Variants in GABBR2 observed in about 807,000 individuals in gnomAD.
The protein encoded by GABBR2 is G-protein coupled receptor 51.
A neutral mutation model predicts 105.6 loss-of-function variants in GABBR2; 23 were observed. That is an observed-to-expected ratio of 0.22 (90% CI 0.16 to 0.31). GABBR2 has a LOEUF of 0.31. GABBR2 is among the 10% of genes least tolerant of loss of function. The probability of loss-of-function intolerance (pLI) is 1.00; values close to 1 mark genes in which losing one functional copy is unlikely to be tolerated. For missense variants in GABBR2, 734 were observed against 1,245.5 expected (o/e 0.59, Z 6.18); for synonymous variants, 478 against 499.7 (o/e 0.96, Z 0.58).
chr9:98,483,660 A>C (rs559571304), intron 4 of GABBR2, among the ~76,000 whole-genome samples: 1 of 152,014 alleles, frequency 6.6e-6, no homozygotes, highest in Non-Finnish European at 1.5e-5. Context: ...CCCCCCACCC[A>C]TTCTGCAAGT....
chr9:98,613,846 A>C (rs1829543091), intron 1 of GABBR2, among the ~76,000 whole-genome samples: 2 of 152,262 alleles, frequency 1.3e-5, no homozygotes, highest in African/African-American at 4.8e-5. Context: ...ACTCAGAAGA[A>C]GGAATAGGGC....
intron 14 of GABBR2, among the ~76,000 whole-genome samples, chr9:98,310,179 A>T (rs1476935738): frequency 4.6e-5 from 7 of 152,176 alleles, no homozygotes; most frequent in Non-Finnish European, 8.8e-5. Context: ...CCTGGGCTGA[A>T]ATATGGTGGA....
intron 13 of GABBR2, among the ~76,000 whole-genome samples, chr9:98,357,456 T>C (rs1234222186): frequency 1.3e-5 from 2 of 152,166 alleles, no homozygotes; most frequent in Non-Finnish European, 2.9e-5. Context: ...GAGACCAGTC[T>C]AGACAACATG....
chr9:98,403,904 C>T (rs911413643), intron 8 of GABBR2, among the ~76,000 whole-genome samples: 6 of 151,898 alleles, frequency 4.0e-5, no homozygotes, highest in South Asian at 2.1e-4. Flanking sequence ...CTCAGAGAGG[C>T]GAAGTCGCTT....
intron 3 of GABBR2, among the ~76,000 whole-genome samples, chr9:98,517,179 G>A (rs1827773184): frequency 6.6e-6 from 1 of 152,182 alleles, no homozygotes; most frequent in Non-Finnish European, 1.5e-5. Context: ...CCAGTGACTG[G>A]CCCAGCCTTC....
At chr9:98,697,220 G>T (rs1830764509) in intron 1 of GABBR2, among the ~76,000 whole-genome samples, 1 of 152,092 alleles carries the variant, frequency 6.6e-6, no homozygotes. Flanking sequence ...CGCCGGGCGC[G>T]GTGGCTTACG....
Position 98,408,100 on chromosome 9 carries a change from CAT to C in GABBR2, c.1237-1961_1237-1960del, listed in dbSNP as rs1460756960. Among the ~76,000 whole-genome samples the C allele has an allele frequency of 2.0e-5, 3 of 152,240 alleles. No individual in the cohort carries two copies. In the East Asian group the frequency reaches 5.8e-4, roughly 29 times the overall value. On this transcript the variant is annotated intron_variant, in intron 7 of 18. Coordinates refer to ENST00000259455, the MANE Select transcript of GABBR2 (RefSeq NM_005458.8). ...ATGGCAGTAGTAATTTTTATTTAAA[CAT>C]GTTTAATAGTGGGGAGCTGAAATCA...
intron 2 of GABBR2, among the ~76,000 whole-genome samples, chr9:98,562,894 AC>A (rs1277581460): frequency 1.3e-5 from 2 of 151,400 alleles, no homozygotes; most frequent in Non-Finnish European, 2.9e-5. Context: ...ACATGACGAA[AC>A]TCCATCTCTA....
intron 11 of GABBR2, among the ~76,000 whole-genome samples, chr9:98,384,057 A>T (rs1832028169): frequency 6.6e-6 from 1 of 151,640 alleles, no homozygotes; most frequent in South Asian, 2.1e-4. Flanking sequence ...GAAAGAAAAC[A>T]GCACCAACAA....
chr9:98,569,741 C>T (rs1032774246), intron 2 of GABBR2, among the ~76,000 whole-genome samples: 1 of 152,198 alleles, frequency 6.6e-6, no homozygotes, highest in African/African-American at 2.4e-5. Context: ...GCCTGTACAA[C>T]AGGGAGACTG....
intron 1 of GABBR2, among the ~76,000 whole-genome samples, chr9:98,632,451 G>A (rs1381645597): frequency 6.6e-6 from 1 of 152,170 alleles, no homozygotes; most frequent in Non-Finnish European, 1.5e-5. Flanking sequence ...TGAGTGGTGG[G>A]TTCTGTGCCC....
chr9:98,640,713 C>T (rs1223803147), intron 1 of GABBR2, among the ~76,000 whole-genome samples: 3 of 152,232 alleles, frequency 2.0e-5, no homozygotes, highest in East Asian at 3.9e-4. Flanking sequence ...GAGGGTAAGG[C>T]ATCTTGGAGG....
At chr9:98,413,930 T>C (rs778634158) in intron 7 of GABBR2, among the ~76,000 whole-genome samples, 5 of 152,294 alleles carry the variant, frequency 3.3e-5, no homozygotes, top group Middle Eastern at 3.4e-3. Flanking sequence ...GTCTAAGAAG[T>C]ACGGGAAAAG....
intron 6 of GABBR2, among the ~76,000 whole-genome samples, chr9:98,458,084 G>A (rs1826358041): frequency 6.6e-6 from 1 of 152,210 alleles, no homozygotes; most frequent in East Asian, 1.9e-4. Flanking sequence ...GTTATAAATA[G>A]TGGTTAGGTC....
At chr9:98,447,533 A>ATGTGTG (rs777181645) in intron 7 of GABBR2, among the ~76,000 whole-genome samples, 5 of 105,072 alleles carry the variant, frequency 4.8e-5, no homozygotes, top group Admixed American at 1.1e-4. Context: ...TGTAACTAGT[A>ATGTGTG]TGTATGTGTG....
chr9:98,306,434 A>C lies in GABBR2; in HGVS notation c.2005-89T>G. The C allele has an allele frequency of 1.3e-6, 1 of 755,280 alleles. No individual in the cohort carries two copies. Among genetic ancestry groups the C allele is most frequent in the Non-Finnish European group, 2.3e-6 (1 of 439,512 alleles). The allele number at this position is 755,280 out of a possible 1,614,324, so 46.8% of individuals were successfully genotyped here. On this transcript the variant is annotated intron_variant, in intron 14 of 18. Coordinates refer to ENST00000259455, the MANE Select transcript of GABBR2 (RefSeq NM_005458.8). This position sits in a 1 kb window ranked among gnomAD's most constrained non-coding sequence, Gnocchi z 5.4. ...CTGAGAAGCTGTGGAGTGGAGGGTT[A>C]CTCAGGAGGTGGGCTGCAGGGAGGG...
At chr9:98,610,274 G>A (rs1367588877) in intron 1 of GABBR2, among the ~76,000 whole-genome samples, 1 of 152,198 alleles carries the variant, frequency 6.6e-6, no homozygotes, top group Non-Finnish European at 1.5e-5. Context: ...TGACAATAGT[G>A]CCTATTTCAT....
chr9:98,418,915 T>A (rs1832734486), intron 7 of GABBR2, among the ~76,000 whole-genome samples: 1 of 152,276 alleles, frequency 6.6e-6, no homozygotes, highest in Non-Finnish European at 1.5e-5. Flanking sequence ...CATTTGCAGA[T>A]GCAAGCATCC....
At chr9:98,672,086 T>A (rs1588277284) in intron 1 of GABBR2, among the ~76,000 whole-genome samples, 1 of 152,338 alleles carries the variant, frequency 6.6e-6, no homozygotes, top group East Asian at 1.9e-4. Context: ...AAATTTACCA[T>A]CTTAACCTTT....
Sources: allele counts gnomAD v4.1 joint callset (sites outside exome capture counted in the v4.1 genomes callset), GRCh38; gene constraint gnomAD v4.1.1; non-coding constraint Gnocchi (gnomAD v3.1); transcripts MANE v1.5; gene names NCBI Gene and HGNC (gene_info 2026-07-23, HGNC 2026-07-21).